NOVA1: variants seen among roughly 807,000 people sequenced by gnomAD.
The protein encoded by NOVA1 is NOVA alternative splicing regulator 1.
NOVA1 carries 7 observed loss-of-function variants against 38.0 expected under a neutral mutation model. The ratio of observed to expected loss-of-function variants is 0.18; its 90% confidence interval spans 0.10 to 0.35. The LOEUF (loss-of-function observed/expected upper bound fraction) is 0.35. Ranked by LOEUF, NOVA1 falls within the 10% of genes least tolerant of loss-of-function variation. NOVA1 has a pLI of 1.00. For missense variants in NOVA1, 460 were observed against 616.0 expected, an observed-to-expected ratio of 0.75 and a Z score of 2.68; for synonymous variants, 270 against 232.5, an observed-to-expected ratio of 1.16 and a Z score of -1.47.
intron 2 of NOVA1, among the ~76,000 whole-genome samples, chr14:26,565,906 A>G (rs1951073): frequency 0.58 from 88,061 of 152,006 alleles, 30,797 homozygotes; most frequent in Non-Finnish European, 0.75. Flanking sequence ...AAAAAATATA[A>G]TGATTCAGAA....
chr14:26,577,645 T>G (rs188766556), intron 2 of NOVA1, among the ~76,000 whole-genome samples: 2 of 152,226 alleles, frequency 1.3e-5, no homozygotes, highest in East Asian at 3.9e-4. Context: ...ACAGATTGGA[T>G]CTGAAGTTCA....
At chr14:26,581,086 A>G (rs1294368073) in intron 2 of NOVA1, among the ~76,000 whole-genome samples, 1 of 152,082 alleles carries the variant, frequency 6.6e-6, no homozygotes, top group Admixed American at 6.6e-5. Context: ...CAGATAAAAA[A>G]CTGGAGGTAC....
At chr14:26,589,261 T>G (rs73603810) in intron 2 of NOVA1, among the ~76,000 whole-genome samples, 3,995 of 151,824 alleles carry the variant, frequency 0.026, 170 homozygotes, top group African/African-American at 0.092. Flanking sequence ...AGGACTGTGA[T>G]AACATATCTG....
At chr14:26,566,283 C>T (rs1033553111) in intron 2 of NOVA1, among the ~76,000 whole-genome samples, 6 of 151,992 alleles carry the variant, frequency 3.9e-5, no homozygotes, top group African/African-American at 1.2e-4. Flanking sequence ...ACTTCAAATT[C>T]GTTTTAATTT....
intron 2 of NOVA1, among the ~76,000 whole-genome samples, chr14:26,590,879 T>C (rs1419095705): frequency 6.6e-5 from 10 of 151,788 alleles, no homozygotes; most frequent in Admixed American, 6.6e-4. Flanking sequence ...GCATTATGTA[T>C]ATGATTCATG....
chr14:26,484,444 A>C (rs925172106), intron 2 of NOVA1, among the ~76,000 whole-genome samples: 4 of 150,242 alleles, frequency 2.7e-5, no homozygotes, highest in Non-Finnish European at 5.9e-5. Context: ...AAAAAAAAAA[A>C]AAAAAAAAAA....
At position 26,448,488 on chromosome 14, in the gene NOVA1, A is replaced by G; in HGVS notation, c.995T>C (p.Leu332Ser). 1.2e-6 allele frequency: 2 copies of G among 1,614,006 alleles called. No individual in the cohort carries two copies. Among genetic ancestry groups the G allele is most frequent in the South Asian group, 2.2e-5 (2 of 91,078 alleles). Residue 332 changes from leucine (L) to serine (S), a missense_variant, in exon 5 of 5, where the codon TTA (leucine) becomes TCA (serine). Physicochemically the swap from Leu to Ser is moderately radical, Grantham distance 145. Coordinates refer to ENST00000539517, the MANE Select transcript of NOVA1 (RefSeq NM_002515.3). The surrounding 1 kb of genome is among the most constrained non-coding windows in gnomAD (Gnocchi z 5.3). The stretch of plus-strand genomic sequence containing the variant: ...TGCTGCTTGACTGAGACCTAAACCT[A>G]AAGTGTTGAGATTATATCCATAGCT... ...LASYGYNLNT[L>S]GLGLSQAAAT... is the part of the protein sequence containing the mutation.
chr14:26,502,443 T>C (rs1348913581), intron 2 of NOVA1, among the ~76,000 whole-genome samples: 2 of 151,914 alleles, frequency 1.3e-5, no homozygotes, highest in African/African-American at 4.8e-5. Flanking sequence ...TTCATTGTAT[T>C]TAAATATACA....
intron 2 of NOVA1, among the ~76,000 whole-genome samples, chr14:26,548,519 GAA>G (rs1179173802): frequency 6.6e-6 from 1 of 151,746 alleles, no homozygotes; most frequent in Non-Finnish European, 1.5e-5. Flanking sequence ...AAATGTAGCA[GAA>G]AAGAGATAAA....
intron 2 of NOVA1, among the ~76,000 whole-genome samples, chr14:26,541,899 G>T (rs1594500290): frequency 6.6e-6 from 1 of 151,734 alleles, no homozygotes; most frequent in Non-Finnish European, 1.5e-5. Context: ...CTGCACACAA[G>T]TAATCATATA....
chr14:26,526,483 C>T lies in NOVA1; in HGVS notation c.281-46340G>A, dbSNP rs903843008. Among the ~76,000 whole-genome samples the T allele has an allele frequency of 2.0e-5, 3 of 151,984 alleles. No homozygotes were observed. In the East Asian group the frequency reaches 5.8e-4, roughly 29 times the overall value. On this transcript the variant is annotated intron_variant, in intron 2 of 4. Coordinates refer to ENST00000539517, the MANE Select transcript of NOVA1 (RefSeq NM_002515.3). Reference sequence around the variant, plus strand: ...AGATGGAGAGATCTATAAAACTAGACAAAATATACTTTTATTTATTTAAAA... The same window carrying T: ...AGATGGAGAGATCTATAAAACTAGATAAAATATACTTTTATTTATTTAAAA...
intron 2 of NOVA1, chr14:26,568,280 C>T (rs1016458535): frequency 6.6e-6 from 1 of 152,050 alleles, no homozygotes; most frequent in Non-Finnish European, 1.5e-5. Context: ...GAACACTACC[C>T]GGGAACTCAA....
chr14:26,517,574 G>C (rs1888563823), intron 2 of NOVA1, among the ~76,000 whole-genome samples: 1 of 152,108 alleles, frequency 6.6e-6, no homozygotes, highest in Admixed American at 6.6e-5. Flanking sequence ...TAATATAGTA[G>C]ATAGAATACA....
chr14:26,550,524 TACCA>T (rs1891094682), intron 2 of NOVA1, among the ~76,000 whole-genome samples: 1 of 152,146 alleles, frequency 6.6e-6, no homozygotes, highest in South Asian at 2.1e-4. Flanking sequence ...AGAAAATTAT[TACCA>T]CATTCTGCTT....
At chr14:26,537,289 A>T (rs1400649728) in intron 2 of NOVA1, among the ~76,000 whole-genome samples, 1 of 152,096 alleles carries the variant, frequency 6.6e-6, no homozygotes, top group Non-Finnish European at 1.5e-5. Context: ...AAAATTATAT[A>T]TAATTTCTAT....
chr14:26,580,769 G>C (rs147947698), intron 2 of NOVA1, among the ~76,000 whole-genome samples: 69 of 151,788 alleles, frequency 4.5e-4, no homozygotes, highest in African/African-American at 1.6e-3. Context: ...ATGAGGATAG[G>C]TCAGAGCTTT....
intron 2 of NOVA1, among the ~76,000 whole-genome samples, chr14:26,517,787 C>CAT (rs1209252946): frequency 4.6e-5 from 7 of 152,094 alleles, no homozygotes; most frequent in Non-Finnish European, 8.8e-5. Context: ...ATGGCATAGT[C>CAT]ATATGTAAAT....
At chr14:26,478,883 T>C (rs1278730631) in intron 3 of NOVA1, 2 of 151,886 alleles carry the variant, frequency 1.3e-5, no homozygotes, top group Non-Finnish European at 2.9e-5. Context: ...AAGTAATTAG[T>C]ATAAAATTAG....
intron 2 of NOVA1, among the ~76,000 whole-genome samples, chr14:26,567,471 T>C (rs976238652): frequency 6.6e-6 from 1 of 151,870 alleles, no homozygotes; most frequent in Non-Finnish European, 1.5e-5. Flanking sequence ...ATTCTGTTTA[T>C]TTTTTGTAGA....
Sources: gnomAD v4.1 joint callset for allele counts (sites outside exome capture counted in the v4.1 genomes callset) on GRCh38, gnomAD v4.1.1 for gene constraint, Gnocchi (gnomAD v3.1) non-coding constraint, MANE v1.5 for transcripts, NCBI Gene and HGNC (gene_info 2026-07-23, HGNC 2026-07-21) for gene names.